The following SLAIN2 variants were observed in gnomAD, a reference collection of about 807,000 sequenced individuals.
The protein encoded by SLAIN2 is SLAIN family member 2.
Under a neutral mutation model 56.6 loss-of-function variants are expected in SLAIN2, and 31 were observed. The ratio of observed to expected loss-of-function variants is 0.55; its 90% CI spans 0.41 to 0.74. The LOEUF is 0.74. SLAIN2 is among the 30% of genes least tolerant of loss of function. SLAIN2 has a pLI of 0.00. For synonymous variants in SLAIN2, 317 were observed against 284.9 expected (o/e 1.11, Z -1.13); for missense variants, 777 against 754.2 (o/e 1.03, Z -0.35).
intron 6 of SLAIN2, among the ~76,000 whole-genome samples, chr4:48,392,883 A>G (rs995937397): frequency 2.0e-5 from 3 of 147,882 alleles, no homozygotes; most frequent in African/African-American, 7.6e-5. Context: ...GACTGTAGCC[A>G]TCTAGTTGCC....
At chr4:48,399,136 G>A (rs956155684) in intron 6 of SLAIN2, among the ~76,000 whole-genome samples, 4 of 152,282 alleles carry the variant, frequency 2.6e-5, no homozygotes, top group African/African-American at 7.2e-5. Context: ...CTATCCATGA[G>A]CATGGAATGT....
intron 6 of SLAIN2, among the ~76,000 whole-genome samples, chr4:48,394,034 A>T (rs1278802026): frequency 6.6e-6 from 1 of 152,214 alleles, no homozygotes; most frequent in African/African-American, 2.4e-5. Flanking sequence ...GTAAAAAATT[A>T]GTTGTACTCT....
intron 6 of SLAIN2, among the ~76,000 whole-genome samples, chr4:48,412,130 T>G (rs1427504453): frequency 6.6e-6 from 1 of 152,172 alleles, no homozygotes; most frequent in Non-Finnish European, 1.5e-5. Flanking sequence ...CTAAGGTTAG[T>G]TATATGTTAA....
chr4:48,373,814 G>A (rs530182267), intron 2 of SLAIN2, among the ~76,000 whole-genome samples: 1 of 152,284 alleles, frequency 6.6e-6, no homozygotes, highest in Non-Finnish European at 1.5e-5. Flanking sequence ...GCCAAGGTGG[G>A]CGGATCACCT....
chr4:48,412,365 T>TACAC (rs748099130), intron 6 of SLAIN2, among the ~76,000 whole-genome samples: 4,183 of 112,622 alleles, frequency 0.037, 124 homozygotes, highest in African/African-American at 0.049. Flanking sequence ...TTTGTATATG[T>TACAC]ACACACACAC....
intron 6 of SLAIN2, among the ~76,000 whole-genome samples, chr4:48,389,847 T>C (rs1716191280): frequency 6.6e-6 from 1 of 152,176 alleles, no homozygotes; most frequent in Non-Finnish European, 1.5e-5. Flanking sequence ...TAAAATATCA[T>C]AGGAGTTTGA....
intron 2 of SLAIN2, among the ~76,000 whole-genome samples, chr4:48,371,883 G>A (rs1715672487): frequency 6.6e-6 from 1 of 151,986 alleles, no homozygotes; most frequent in Non-Finnish European, 1.5e-5. Flanking sequence ...AGTTGTTGCA[G>A]TGAGCCATGT....
intron 1 of SLAIN2, among the ~76,000 whole-genome samples, chr4:48,344,467 T>G (rs1347651896): frequency 6.6e-6 from 1 of 152,108 alleles, no homozygotes; most frequent in African/African-American, 2.4e-5. Flanking sequence ...ATAAGTGTTA[T>G]GTAGAAAAAA....
At chr4:48,383,832 T>G in intron 6 of SLAIN2, 48 bp downstream of exon 6, 1 of 1,556,062 alleles carries the variant, frequency 6.4e-7, no homozygotes, top group Non-Finnish European at 8.7e-7. Flanking sequence ...TAAAGAGAAG[T>G]GAAAATTTTA....
At chr4:48,349,167 C>A (rs1033027986) in intron 1 of SLAIN2, among the ~76,000 whole-genome samples, 7 of 152,088 alleles carry the variant, frequency 4.6e-5, no homozygotes, top group Admixed American at 1.3e-4. Flanking sequence ...GTTTATATAC[C>A]CTTTTTTAGA....
intron 2 of SLAIN2, among the ~76,000 whole-genome samples, chr4:48,376,475 G>C (rs547703854): frequency 6.4e-4 from 89 of 140,038 alleles, no homozygotes; most frequent in African/African-American, 2.2e-3. Flanking sequence ...AAAAAAAAAA[G>C]ATTGAAGGAA....
chr4:48,349,326 C>G (rs1186702465), intron 1 of SLAIN2, among the ~76,000 whole-genome samples: 1 of 152,138 alleles, frequency 6.6e-6, no homozygotes, highest in Non-Finnish European at 1.5e-5. Flanking sequence ...TAAATGAAAT[C>G]AATCTATCAG....
intron 6 of SLAIN2, among the ~76,000 whole-genome samples, chr4:48,397,406 A>T (rs543490918): frequency 6.6e-6 from 1 of 152,268 alleles, no homozygotes; most frequent in South Asian, 2.1e-4. Context: ...GAAGGAATTA[A>T]TGATGGTAAT....
intron 1 of SLAIN2, among the ~76,000 whole-genome samples, chr4:48,354,124 A>C (rs1715088608): frequency 2.0e-5 from 3 of 152,164 alleles, no homozygotes; most frequent in Non-Finnish European, 4.4e-5. Context: ...ACAGCAACAA[A>C]AACTTTCAAA....
intron 6 of SLAIN2, among the ~76,000 whole-genome samples, chr4:48,386,024 C>A (rs1053398389): frequency 1.4e-5 from 2 of 144,302 alleles, no homozygotes; most frequent in African/African-American, 2.6e-5. Flanking sequence ...GGGAGGATTG[C>A]TTGAGCCCAG....
intron 6 of SLAIN2, among the ~76,000 whole-genome samples, chr4:48,397,725 G>C (rs1716438904): frequency 6.6e-6 from 1 of 152,126 alleles, no homozygotes; most frequent in South Asian, 2.1e-4. Flanking sequence ...TGCTCTTACT[G>C]TTCAGCTCTA....
At position 48,416,844 on chromosome 4, in the gene SLAIN2, A is replaced by G. The variant is rs1398194049; in HGVS notation, c.1361-3281A>G. 4.5e-5 allele frequency among the ~76,000 whole-genome samples: 6 copies of G among 132,362 alleles called. No individual in the cohort carries two copies. In the East Asian group the frequency reaches 1.3e-3, roughly 29 times the overall value. 86.8% of individuals were successfully genotyped at this position (132,362 alleles called of 152,430 possible). A position where few individuals can be genotyped will look rare whatever the true frequency, so the allele number is the denominator to read the frequency against. ...CCACATACCAGAATCTCTGGGACGCATTCAAAGCAGTGTGTAGAGGGAAAT... is the reference window on the plus strand; with the variant it reads ...CCACATACCAGAATCTCTGGGACGCGTTCAAAGCAGTGTGTAGAGGGAAAT... On this transcript the variant is annotated intron_variant, in intron 6 of 7. Transcript: ENST00000264313.
Position 48,420,300 on chromosome 4 carries a change from A to G in SLAIN2, c.1536A>G (p.Ala512=). The G allele has an allele frequency of 9.9e-6, 16 of 1,613,964 alleles. No homozygotes were observed. Among genetic ancestry groups the G allele is most frequent in the Non-Finnish European group, 1.4e-5 (16 of 1,179,880 alleles). ...CTATGGTTCAGAGCACAGTCTCAGCAAATCCTCCCAGCAATATCAACAGCG... is the reference window on the plus strand; with the variant it reads ...CTATGGTTCAGAGCACAGTCTCAGCGAATCCTCCCAGCAATATCAACAGCG... ...GPPMVQSTVS[A]NPPSNINSAT... is the part of the protein sequence containing the mutation. Residue 512 remains alanine, a synonymous_variant, in exon 7 of 8, where the codon GCA becomes GCG. Transcript: ENST00000264313.
chr4:48,404,359 T>G (rs1716637157), intron 6 of SLAIN2, among the ~76,000 whole-genome samples: 1 of 152,270 alleles, frequency 6.6e-6, no homozygotes, highest in Non-Finnish European at 1.5e-5. Context: ...TCTTCTCTTT[T>G]CTATCAGCTG....
Sources: allele counts gnomAD v4.1 joint callset (sites outside exome capture counted in the v4.1 genomes callset), GRCh38; gene constraint gnomAD v4.1.1; transcripts MANE v1.5; gene names NCBI Gene and HGNC (gene_info 2026-07-23, HGNC 2026-07-21).